Variants in ELP5 observed in about 807,000 individuals in gnomAD.
ELP5 encodes elongator complex protein 5.
In ELP5, 34 loss-of-function variants were observed where a neutral mutation model predicts 33.4. The ratio of observed to expected loss-of-function variants is 1.02; its 90% CI spans 0.78 to 1.36. The LOEUF (loss-of-function observed/expected upper bound fraction) is 1.36, where lower values mean the gene tolerates loss of function less well. ELP5 is among the 40% of genes most tolerant of loss of function. The pLI, the probability that ELP5 is intolerant of heterozygous loss-of-function variation, is 0.00. For synonymous variants in ELP5, 161 were observed against 146.4 expected, an observed-to-expected ratio of 1.10 and a Z score of -0.72; for missense variants, 373 against 371.7, an observed-to-expected ratio of 1.00 and a Z score of -0.03.
In ELP5 at chr17:7,252,931, CATATCCTGGGCTGT is replaced by C; in HGVS notation, c.122_135del (p.His41ArgfsTer9). 1 of 1,614,178 alleles carries C rather than the reference CATATCCTGGGCTGT, an allele frequency of 6.2e-7. No homozygotes were observed. ...TCTCTGCCTTAGTGGGGAGCAAGTG[CATATCCTGGGCTGT>C]GAAGTGAGCGAGGAAGAGTTTCGTG... On this transcript the variant is annotated frameshift_variant, in exon 3 of 8. Coordinates refer to ENST00000396628, the MANE Select transcript of ELP5 (RefSeq NM_203414.3). LOFTEE classifies it high-confidence loss of function.
intron 4 of ELP5, 78 bp downstream of exon 4, chr17:7,254,881 G>C (rs1247978537): frequency 2.4e-6 from 3 of 1,271,470 alleles, no homozygotes; most frequent in African/African-American, 3.0e-5. Context: ...TTCTACCCTA[G>C]AATAAACATC....
At chr17:7,255,013 A>T (rs2072044026) in intron 4 of ELP5, 1 of 567,614 alleles carries the variant, frequency 1.8e-6, no homozygotes, top group African/African-American at 2.0e-5. Context: ...TTTTTTACTC[A>T]TTTGTTTCAC....
rs756422178 is a variant in ELP5 at position 7,252,535 on chromosome 17, C to G, written c.-16C>G. On this transcript the variant is annotated 5_prime_UTR_variant, in exon 1 of 8. Coordinates refer to ENST00000396628, the MANE Select transcript of ELP5 (RefSeq NM_203414.3). ...CATCAGAGGGCGCCAGAGCAGGGAC[C>G]GGACGCGAGTTGGAGATGTTGGACT... 6.2e-7 allele frequency: 1 copy of G among 1,613,800 alleles called. No individual in the cohort carries two copies. Among genetic ancestry groups the G allele is most frequent in the Non-Finnish European group, 8.5e-7 (1 of 1,179,926 alleles).
intron 5 of ELP5, 23 bp from the exon 6 acceptor site, chr17:7,258,565 A>AG (rs770672267): frequency 1.9e-6 from 3 of 1,610,462 alleles, no homozygotes; most frequent in Admixed American, 3.4e-5. Context: ...GATGAAAAAA[A>AG]CTCTTTTCTT....
Position 7,252,332 on chromosome 17 carries a change from T to G in ELP5, c.-219T>G. The G allele has an allele frequency of 1.5e-6, 1 of 653,446 alleles. No homozygotes were observed. The highest frequency in any genetic ancestry group is 1.7e-5 in the South Asian group (1 of 57,720). 40.5% of individuals were successfully genotyped at this position (653,446 alleles called of 1,614,324 possible). On this transcript the variant is annotated 5_prime_UTR_variant, in exon 1 of 8. Transcript: ENST00000396628. ...CACAGTGAAAATGTAGACGGGGTCG[T>G]TGTCCGTACGACTGTGCGCCAGGGC...
chr17:7,259,540 C>T (rs2072162934), intron 7 of ELP5, 31 bp from the exon 8 acceptor site: 1 of 1,613,598 alleles, frequency 6.2e-7, no homozygotes, highest in Non-Finnish European at 8.5e-7. Flanking sequence ...CTGTTAGCTA[C>T]CCTCACCAGC....
chr17:7,254,991 TC>T (rs2072043366), intron 4 of ELP5, 188 bp downstream of exon 4: 1 of 581,692 alleles, frequency 1.7e-6, no homozygotes, highest in Admixed American at 3.5e-5. Flanking sequence ...TGCTTTTTTT[TC>T]TCCAAGTTAT....
rs2071955507 is a variant in ELP5 at position 7,252,416 on chromosome 17, C to T, written c.-135C>T. 1.5e-6 allele frequency: 2 copies of T among 1,365,216 alleles called. No individual in the cohort carries two copies. The highest frequency in any genetic ancestry group is 1.4e-5 in the African/African-American group (1 of 70,712). The allele number at this position is 1,365,216 out of a possible 1,614,324, so 84.6% of individuals were successfully genotyped here. A position where few individuals can be genotyped will look rare whatever the true frequency, so the allele number is the denominator to read the frequency against. ...CTGGGAATATTGAACATAATCACCT[C>T]TCATTCCAGACTATGTTAGGTCTTA... On this transcript the variant is annotated 5_prime_UTR_variant, in exon 1 of 8. Coordinates refer to ENST00000396628, the MANE Select transcript of ELP5 (RefSeq NM_203414.3).
Position 7,253,018 on chromosome 17 carries a change from G to T in ELP5, c.188+20G>T, listed in dbSNP as rs771048516. The T allele has an allele frequency of 1.2e-6, 2 of 1,612,964 alleles. No individual in the cohort carries two copies. Among genetic ancestry groups the T allele is most frequent in the South Asian group, 1.1e-5 (1 of 91,032 alleles). On this transcript the variant is annotated intron_variant, in intron 3 of 7. Transcript: ENST00000396628. ...CAATCGGTAAGTACCAGTTGGAAGA[G>T]ATTTGATTAAATTTGAGACCTATAA...
intron 4 of ELP5, among the ~76,000 whole-genome samples, chr17:7,256,345 A>G (rs185709428): frequency 6.6e-6 from 1 of 152,348 alleles, no homozygotes; most frequent in East Asian, 1.9e-4. Context: ...TCCATCTCGA[A>G]AAAGAAAAGA....
At chr17:7,257,304 T>G (rs939902241) in intron 5 of ELP5, among the ~76,000 whole-genome samples, 4 of 152,088 alleles carry the variant, frequency 2.6e-5, no homozygotes, top group African/African-American at 9.7e-5. Context: ...AAAGCTGATT[T>G]AGGTATTTCT....
chr17:7,252,472 G>A lies in ELP5; in HGVS notation c.-79G>A. 6.2e-7 allele frequency: 1 copy of A among 1,608,878 alleles called. No individual in the cohort carries two copies. Among genetic ancestry groups the A allele is most frequent in the Non-Finnish European group, 8.5e-7 (1 of 1,177,414 alleles). ...GGGAGGACGCCCGAGTGCTCGGCCC[G>A]TTTCACCCCGAGGAGGAAGGACACT... On this transcript the variant is annotated 5_prime_UTR_variant, in exon 1 of 8. Coordinates refer to ENST00000396628, the MANE Select transcript of ELP5 (RefSeq NM_203414.3).
At chr17:7,258,736 A>C (rs370144669) in intron 6 of ELP5, 53 bp downstream of exon 6, 2 of 1,613,986 alleles carry the variant, frequency 1.2e-6, no homozygotes, top group African/African-American at 2.7e-5. Flanking sequence ...GTATCTGGTC[A>C]CGGGAGAGAA....
intron 5 of ELP5, among the ~76,000 whole-genome samples, chr17:7,258,375 G>C (rs1045035584): frequency 2.0e-5 from 3 of 151,570 alleles, no homozygotes; most frequent in African/African-American, 7.3e-5. Context: ...CTTGAACCTG[G>C]GAGGCGGAGG....
In ELP5 at chr17:7,259,633, A is replaced by G. The variant is rs1438928106; in HGVS notation, c.851A>G (p.Asp284Gly). 2 of 1,614,250 alleles carry G rather than the reference A, an allele frequency of 1.2e-6. No individual in the cohort carries two copies. The highest frequency in any genetic ancestry group is 4.5e-5 in the East Asian group (2 of 44,884). The change falls in exon 8 of 8, where the codon GAT becomes GGT. Residue 284 changes from aspartate (D) to glycine (G), a missense_variant. By Grantham distance (94) the Asp-to-Gly change is moderately conservative. Coordinates refer to ENST00000396628, the MANE Select transcript of ELP5 (RefSeq NM_203414.3). ...ACCAGCCACATCTTCTATGAGCCAGATGCTTATGATGACCTGGACCAAGAA... is the reference window on the plus strand; with the variant it reads ...ACCAGCCACATCTTCTATGAGCCAGGTGCTTATGATGACCTGGACCAAGAA... ...QATSHIFYEP[D>G]AYDDLDQEDP...
chr17:7,252,656 C>T, intron 1 of ELP5, 60 bp downstream of exon 1: 2 of 1,601,108 alleles, frequency 1.2e-6, no homozygotes, highest in Non-Finnish European at 1.7e-6. Flanking sequence ...GCTGAGGGGA[C>T]GGAAGTGGGC....
intron 1 of ELP5, 50 bp downstream of exon 1, chr17:7,252,646 G>A (rs375246698): frequency 1.2e-6 from 2 of 1,603,328 alleles, no homozygotes; most frequent in Non-Finnish European, 8.5e-7. Context: ...TTCGGGCCTG[G>A]CTGAGGGGAC....
chr17:7,258,532 A>G, intron 5 of ELP5, 56 bp from the exon 6 acceptor site: 1 of 1,542,278 alleles, frequency 6.5e-7, no homozygotes. Flanking sequence ...GAGGTCCTGG[A>G]GTCTGTCTAG....
intron 4 of ELP5, 34 bp downstream of exon 4, chr17:7,254,837 A>G (rs773721833): frequency 4.5e-6 from 7 of 1,570,290 alleles, no homozygotes; most frequent in East Asian, 2.2e-5. Context: ...CCCCTCATAC[A>G]TCTCCCTCTG....
Sources: gnomAD v4.1 joint callset for allele counts (sites outside exome capture counted in the v4.1 genomes callset) on GRCh38, gnomAD v4.1.1 for gene constraint, MANE v1.5 for transcripts, NCBI Gene and HGNC (gene_info 2026-07-23, HGNC 2026-07-21) for gene names.